The following CACNA2D1 variants were observed in gnomAD, a reference collection of about 807,000 sequenced individuals.
CACNA2D1 encodes calcium voltage-gated channel auxiliary subunit alpha2delta 1, also known as voltage-dependent calcium channel subunit alpha-2/delta-1.
In CACNA2D1, 53 loss-of-function variants were observed where a neutral mutation model predicts 171.5. That is an observed-to-expected ratio of 0.31 (90% CI 0.25 to 0.39). CACNA2D1 has a LOEUF of 0.39. Among genes scored for constraint, CACNA2D1 ranks in the 10% least tolerant of loss-of-function variants. CACNA2D1 has a pLI of 1.00. For synonymous variants in CACNA2D1, 442 were observed against 443.1 expected, an observed-to-expected ratio of 1.00 and a Z score of 0.03; for missense variants, 903 against 1,299.8, an observed-to-expected ratio of 0.69 and a Z score of 4.69.
chr7:82,329,053 G>C (rs1816975475), intron 3 of CACNA2D1, among the ~76,000 whole-genome samples: 1 of 151,758 alleles, frequency 6.6e-6, no homozygotes, highest in Non-Finnish European at 1.5e-5. Context: ...AGACCAGAAA[G>C]CTACATTTTT....
At chr7:82,339,852 G>T (rs1818410738) in intron 2 of CACNA2D1, among the ~76,000 whole-genome samples, 1 of 152,108 alleles carries the variant, frequency 6.6e-6, no homozygotes, top group South Asian at 2.1e-4. Context: ...TAGCAAAAGG[G>T]AATTAAGTTT....
At chr7:82,066,814 G>A (rs1053933841) in intron 7 of CACNA2D1, among the ~76,000 whole-genome samples, 20 of 152,032 alleles carry the variant, frequency 1.3e-4, no homozygotes, top group Middle Eastern at 3.2e-3. Flanking sequence ...TTTAGTAGGT[G>A]TCCAGAGGTT....
At chr7:82,226,253 C>T (rs112192357) in intron 3 of CACNA2D1, among the ~76,000 whole-genome samples, 1 of 152,140 alleles carries the variant, frequency 6.6e-6, no homozygotes, top group Admixed American at 6.5e-5. Context: ...AACATCACCA[C>T]GGCCACCTCT....
intron 3 of CACNA2D1, among the ~76,000 whole-genome samples, chr7:82,188,558 C>T (rs1327534945): frequency 1.3e-5 from 2 of 152,070 alleles, no homozygotes; most frequent in Admixed American, 6.6e-5. Flanking sequence ...TATGCTTATA[C>T]ACTGCTGATG....
intron 4 of CACNA2D1, among the ~76,000 whole-genome samples, chr7:82,167,620 GC>G (rs746238884): frequency 1.1e-4 from 17 of 152,176 alleles, no homozygotes; most frequent in Non-Finnish European, 2.4e-4. Context: ...ATGTATGGCT[GC>G]CAAGGTTAGA....
intron 28 of CACNA2D1, among the ~76,000 whole-genome samples, 187 bp from the exon 29 acceptor site, chr7:81,969,160 G>A (rs942875409): frequency 6.6e-6 from 1 of 151,476 alleles, no homozygotes. Flanking sequence ...GTATATCCAT[G>A]AATTGGTTTG....
chr7:82,399,561 G>A lies in CACNA2D1; in HGVS notation c.95+43804C>T, dbSNP rs567523393. ...AATGATAAAACAATGATGAAACATCGTTTACATTTCCCATTTATAAACAAG... is the reference window on the plus strand; with the variant it reads ...AATGATAAAACAATGATGAAACATCATTTACATTTCCCATTTATAAACAAG... On this transcript the variant is annotated intron_variant, in intron 1 of 38. Transcript: ENST00000356860. Among the ~76,000 whole-genome samples, 17 of 152,064 alleles carry A rather than the reference G, an allele frequency of 1.1e-4. No homozygotes were observed. The East Asian group carries it at 2.3e-3, about 21-fold the overall frequency.
chr7:82,335,262 G>GAAA lies in CACNA2D1; in HGVS notation c.178-14_178-12dup. 22 of 1,321,754 alleles carry GAAA rather than the reference G, an allele frequency of 1.7e-5. No homozygotes were observed. The highest frequency in any genetic ancestry group is 1.9e-5 in the Non-Finnish European group (18 of 937,234). The allele number at this position is 1,321,754 out of a possible 1,614,324, so 81.9% of individuals were successfully genotyped here. A position where few individuals can be genotyped will look rare whatever the true frequency, so the allele number is the denominator to read the frequency against. ...ATATTTCTCATAAATCTGTGTGAAA[G>GAAA]AAAAAAAAAACTAGTAAGAACAATA... On this transcript the variant is annotated splice_polypyrimidine_tract_variant and intron_variant, in intron 2 of 38. Transcript: ENST00000356860.
At chr7:82,006,052 T>C (rs576750676) in intron 16 of CACNA2D1, among the ~76,000 whole-genome samples, 1 of 151,978 alleles carries the variant, frequency 6.6e-6, no homozygotes, top group Non-Finnish European at 1.5e-5. Flanking sequence ...GCAAAGAAAA[T>C]CTAGATAATT....
At chr7:82,259,196 T>C (rs1806751846) in intron 3 of CACNA2D1, among the ~76,000 whole-genome samples, 1 of 148,430 alleles carries the variant, frequency 6.7e-6, no homozygotes, top group African/African-American at 2.5e-5. Flanking sequence ...GATAGATAGA[T>C]AGATGATAAA....
At chr7:82,252,549 T>C (rs1271325413) in intron 3 of CACNA2D1, among the ~76,000 whole-genome samples, 2 of 152,324 alleles carry the variant, frequency 1.3e-5, no homozygotes, top group East Asian at 3.9e-4. Context: ...GTTACACTAC[T>C]AGAAAATGTC....
intron 3 of CACNA2D1, among the ~76,000 whole-genome samples, chr7:82,305,249 T>C (rs891688783): frequency 6.6e-6 from 1 of 152,132 alleles, no homozygotes; most frequent in Admixed American, 6.5e-5. Flanking sequence ...GGCATAACAA[T>C]GATTCTTAAA....
chr7:82,350,656 C>A (rs1819755954), intron 1 of CACNA2D1, among the ~76,000 whole-genome samples: 1 of 152,072 alleles, frequency 6.6e-6, no homozygotes, highest in African/African-American at 2.4e-5. Context: ...CAGAGTGAGA[C>A]TCCGTCTCAA....
intron 6 of CACNA2D1, among the ~76,000 whole-genome samples, chr7:82,091,719 A>T (rs1408931248): frequency 6.6e-6 from 1 of 152,210 alleles, no homozygotes; most frequent in Non-Finnish European, 1.5e-5. Flanking sequence ...AGGAGCCCCA[A>T]GGTCAAATTA....
chr7:82,395,972 T>C (rs899124147), intron 1 of CACNA2D1, among the ~76,000 whole-genome samples: 5 of 152,222 alleles, frequency 3.3e-5, no homozygotes, highest in African/African-American at 9.6e-5. Context: ...GACTACAGAA[T>C]GCAGCATCCT....
intron 6 of CACNA2D1, 134 bp downstream of exon 6, chr7:82,116,910 A>G: frequency 1.0e-6 from 1 of 956,234 alleles, no homozygotes. Flanking sequence ...CACATAAATC[A>G]GAGTTTACCA....
intron 4 of CACNA2D1, among the ~76,000 whole-genome samples, chr7:82,164,357 AC>A (rs758788111): frequency 1.2e-4 from 18 of 152,042 alleles, no homozygotes; most frequent in Non-Finnish European, 2.4e-4. Context: ...GGAAAACTAC[AC>A]AGTGAGCTAT....
At chr7:82,135,505 C>G (rs1791503560) in intron 5 of CACNA2D1, among the ~76,000 whole-genome samples, 2 of 152,058 alleles carry the variant, frequency 1.3e-5, no homozygotes, top group South Asian at 4.1e-4. Context: ...ACACTCTTAG[C>G]TCTTCAACTA....
At chr7:82,334,399 T>A (rs1281469377) in intron 3 of CACNA2D1, among the ~76,000 whole-genome samples, 5 of 152,186 alleles carry the variant, frequency 3.3e-5, no homozygotes, top group African/African-American at 1.2e-4. Flanking sequence ...GCACTATTCA[T>A]AATAGTATCC....
Sources: allele counts gnomAD v4.1 joint callset (sites outside exome capture counted in the v4.1 genomes callset), GRCh38; gene constraint gnomAD v4.1.1; transcripts MANE v1.5; gene names NCBI Gene and HGNC (gene_info 2026-07-23, HGNC 2026-07-21).